THRB: variants seen among roughly 807,000 people sequenced by gnomAD.
THRB encodes the protein thyroid hormone receptor beta, also known as nuclear receptor subfamily 1 group A member 2.
In THRB, 12 loss-of-function variants were observed where a neutral mutation model predicts 47.8. That is an observed-to-expected ratio of 0.25 (90% CI 0.16 to 0.41). The LOEUF (loss-of-function observed/expected upper bound fraction) is 0.41. THRB is among the 10% of genes least tolerant of loss of function. THRB has a pLI of 1.00. For missense variants in THRB, 348 were observed against 589.2 expected (o/e 0.59, Z 4.24); for synonymous variants, 218 against 212.2 (o/e 1.03, Z -0.24).
chr3:24,165,572 C>T (rs956943325), intron 5 of THRB: 1 of 503,276 alleles, frequency 2.0e-6, no homozygotes, highest in Non-Finnish European at 3.5e-6. Flanking sequence ...CTATTTAGAC[C>T]GAGGTGTCTT....
At chr3:24,257,075 C>G (rs913892744) in intron 3 of THRB, among the ~76,000 whole-genome samples, 2 of 152,132 alleles carry the variant, frequency 1.3e-5, no homozygotes, top group Non-Finnish European at 2.9e-5. Flanking sequence ...ACATCCTTCT[C>G]TGGTTCTCAG....
At chr3:24,294,311 C>A (rs897274223) in intron 3 of THRB, among the ~76,000 whole-genome samples, 1 of 152,160 alleles carries the variant, frequency 6.6e-6, no homozygotes, top group Non-Finnish European at 1.5e-5. Flanking sequence ...GCAGAAATAC[C>A]ACATTGCTGA....
intron 9 of THRB, among the ~76,000 whole-genome samples, chr3:24,131,469 G>T (rs1235062616): frequency 6.6e-6 from 1 of 152,200 alleles, no homozygotes; most frequent in Non-Finnish European, 1.5e-5. Flanking sequence ...CTTTAGGGGT[G>T]GGGTATGAGT....
intron 3 of THRB, among the ~76,000 whole-genome samples, chr3:24,272,153 G>T (rs1015309716): frequency 1.6e-4 from 24 of 152,118 alleles, no homozygotes; most frequent in Non-Finnish European, 2.8e-4. Flanking sequence ...ACCAGCCTGG[G>T]CAACACAGCG....
At chr3:24,353,740 T>C (rs1332989240) in intron 1 of THRB, among the ~76,000 whole-genome samples, 1 of 152,134 alleles carries the variant, frequency 6.6e-6, no homozygotes, top group Non-Finnish European at 1.5e-5. Context: ...CTATAAAACT[T>C]TGTATTAATA....
chr3:24,408,868 C>T (rs1354619509), intron 1 of THRB, among the ~76,000 whole-genome samples: 1 of 151,566 alleles, frequency 6.6e-6, no homozygotes, highest in Non-Finnish European at 1.5e-5. Context: ...TAACACAGGG[C>T]TTATTTGAAC....
At chr3:24,420,574 A>G (rs1316519037) in intron 1 of THRB, among the ~76,000 whole-genome samples, 1 of 151,990 alleles carries the variant, frequency 6.6e-6, no homozygotes, top group African/African-American at 2.4e-5. Context: ...GGAGACATAC[A>G]TATGGCCAAC....
At chr3:24,486,756 C>A (rs1455556360) in intron 1 of THRB, among the ~76,000 whole-genome samples, 1 of 152,162 alleles carries the variant, frequency 6.6e-6, no homozygotes, top group Non-Finnish European at 1.5e-5. Context: ...TAGGTCATAA[C>A]TTAACTTGTT....
chr3:24,187,613 T>C (rs1319267185), intron 5 of THRB, among the ~76,000 whole-genome samples: 1 of 152,210 alleles, frequency 6.6e-6, no homozygotes, highest in African/African-American at 2.4e-5. Context: ...TAAACACCGA[T>C]GAGTGAATGC....
intron 4 of THRB, among the ~76,000 whole-genome samples, chr3:24,193,398 C>G (rs2043586089): frequency 6.6e-6 from 1 of 152,036 alleles, no homozygotes; most frequent in Admixed American, 6.6e-5. Flanking sequence ...TTCTGATACC[C>G]AACAGAGTTT....
intron 1 of THRB, among the ~76,000 whole-genome samples, chr3:24,340,343 C>T (rs1438419627): frequency 7.2e-5 from 11 of 151,974 alleles, no homozygotes; most frequent in South Asian, 2.1e-4. Flanking sequence ...CCTCCTTCTC[C>T]GCCTCTTCCT....
chr3:24,166,687 G>A (rs1398313288), intron 5 of THRB, among the ~76,000 whole-genome samples: 8 of 152,094 alleles, frequency 5.3e-5, no homozygotes, highest in African/African-American at 1.4e-4. Context: ...GATTCCTTCC[G>A]TTTCTTAGGC....
In THRB at chr3:24,238,700, C is replaced by G. The variant is rs368319991; in HGVS notation, c.-42-9699G>C. Among the ~76,000 whole-genome samples, 45 of 152,226 alleles carry G rather than the reference C, an allele frequency of 3.0e-4. 1 individual carries two copies. Among genetic ancestry groups the G allele is most frequent in the African/African-American group, 1.1e-3 (44 of 41,544 alleles). ...GCCAGTGCTCTGCTGCCTCTGGAAT[C>G]TGCAGTGAGCTCCTTCAGATTTTTA... On this transcript the variant is annotated intron_variant, in intron 3 of 10. Transcript: ENST00000646209.
At chr3:24,307,287 T>C (rs2057418435) in intron 2 of THRB, among the ~76,000 whole-genome samples, 5 of 134,502 alleles carry the variant, frequency 3.7e-5, no homozygotes, top group African/African-American at 1.1e-4. Flanking sequence ...GAACACATGC[T>C]CTTTGGAGAA....
rs1305064149 is a variant in THRB at position 24,228,983 on chromosome 3, C to CT, written c.-25dup. 8.1e-6 allele frequency: 13 copies of CT among 1,602,136 alleles called. No individual in the cohort carries two copies. Among genetic ancestry groups the CT allele is most frequent in the Non-Finnish European group, 1.1e-5 (13 of 1,172,164 alleles). On this transcript the variant is annotated 5_prime_UTR_variant, in exon 4 of 11. The change creates a premature stop within an existing upstream ORF in the 5' untranslated region. Coordinates refer to ENST00000646209, the MANE Select transcript of THRB (RefSeq NM_001354712.2). ...ATAGGTTAGTAATCATTCTGGATCCCTTTTTTCACTGACATCTCCTACAAG... is the reference window on the plus strand; with the variant it reads ...ATAGGTTAGTAATCATTCTGGATCCCTTTTTTTCACTGACATCTCCTACAAG...
intron 3 of THRB, among the ~76,000 whole-genome samples, chr3:24,230,903 T>C (rs1259020350): frequency 2.0e-5 from 3 of 152,136 alleles, no homozygotes; most frequent in African/African-American, 7.2e-5. Context: ...TTATTAGAAG[T>C]TAAAACTCTA....
intron 5 of THRB, among the ~76,000 whole-genome samples, chr3:24,154,183 T>C (rs1387130571): frequency 1.3e-5 from 2 of 152,214 alleles, no homozygotes; most frequent in Admixed American, 6.5e-5. Flanking sequence ...TTTTGCATCA[T>C]GCAAACCATG....
chr3:24,397,737 C>T (rs2067081565), intron 1 of THRB, among the ~76,000 whole-genome samples: 1 of 151,950 alleles, frequency 6.6e-6, no homozygotes, highest in Non-Finnish European at 1.5e-5. Context: ...CACCTGCCAC[C>T]ACACCTGGCT....
chr3:24,401,110 T>TA (rs112737028), intron 1 of THRB, among the ~76,000 whole-genome samples: 283 of 151,254 alleles, frequency 1.9e-3, no homozygotes, highest in African/African-American at 6.4e-3. Context: ...AACGAGCTTT[T>TA]AAAAAAAAAG....
Sources: gnomAD v4.1 joint callset for allele counts (sites outside exome capture counted in the v4.1 genomes callset) on GRCh38, gnomAD v4.1.1 for gene constraint, MANE v1.5 for transcripts, NCBI Gene and HGNC (gene_info 2026-07-23, HGNC 2026-07-21) for gene names.